CORO6: variants seen among roughly 807,000 people sequenced by gnomAD.
CORO6 encodes coronin-6.
A neutral mutation model predicts 49.0 loss-of-function variants in CORO6; 43 were observed. That is an observed-to-expected ratio of 0.88 (90% CI 0.69 to 1.13). CORO6 has a LOEUF of 1.13. Among genes scored for constraint, CORO6 ranks in the 50% most tolerant of loss-of-function variants. The pLI is 0.00. For missense variants in CORO6, 650 were observed against 647.0 expected, an observed-to-expected ratio of 1.00 and a Z score of -0.05; for synonymous variants, 233 against 256.5, an observed-to-expected ratio of 0.91 and a Z score of 0.88.
At chr17:29,615,919 C>G in intron 10 of CORO6, 26 bp downstream of exon 10, 1 of 1,582,050 alleles carries the variant, frequency 6.3e-7, no homozygotes, top group East Asian at 2.3e-5. Flanking sequence ...GTAGATTGGG[C>G]CAGAGTGCAG....
In CORO6 at chr17:29,618,720, TGGGTACAA is replaced by T. The variant is rs2035142327; in HGVS notation, c.633+62_633+69del. On this transcript the variant is annotated intron_variant, in intron 5 of 10. Coordinates refer to ENST00000388767, the MANE Select transcript of CORO6 (RefSeq NM_032854.4). The stretch of plus-strand genomic sequence containing the variant: ...CCGGGACCAGGGGCTCTGATAATGG[TGGGTACAA>T]GGGTGCTGACAGCTGGCCACTGGTC... The T allele has an allele frequency of 3.9e-6, 6 of 1,532,126 alleles. No individual in the cohort carries two copies. In the African/African-American group the frequency reaches 6.9e-5, roughly 17 times the overall value. 94.9% of individuals were successfully genotyped at this position (1,532,126 alleles called of 1,614,324 possible).
intron 5 of CORO6, chr17:29,617,888 A>T: frequency 1.4e-6 from 1 of 705,968 alleles, no homozygotes; most frequent in East Asian, 3.2e-5. Flanking sequence ...TCCCTAGAGC[A>T]GGGGTGTCTG....
Position 29,621,317 on chromosome 17 carries a change from C to T in CORO6, c.105G>A (p.Trp35Ter), listed in dbSNP as rs1371493852. The change falls in exon 2 of 11, where the codon TGG becomes TGA. Residue 35 changes from tryptophan (W) to a stop codon, truncating the protein, a stop_gained. Transcript: ENST00000388767. LOFTEE classifies it high-confidence loss of function. This position sits in a 1 kb window ranked among gnomAD's most constrained non-coding sequence, Gnocchi z 4.2. ...YEDIRVSKVT[W>*]DSSFCAVNPK... ...GGTTGACGGCACAGAAGGAGCTGTC[C>T]CATGTGACCTTGGACACACGGATGT... 1.2e-6 allele frequency: 2 copies of T among 1,614,162 alleles called. No homozygotes were observed. The highest frequency in any genetic ancestry group is 1.3e-5 in the African/African-American group (1 of 75,052).
At chr17:29,619,442 C>T (rs567926594) in intron 3 of CORO6, among the ~76,000 whole-genome samples, 1 of 152,138 alleles carries the variant, frequency 6.6e-6, no homozygotes, top group African/African-American at 2.4e-5. Context: ...CTCCAGGCAC[C>T]AAGTTGGCCA....
At chr17:29,617,349 A>AG in intron 6 of CORO6, 151 bp downstream of exon 6, 1 of 1,543,000 alleles carries the variant, frequency 6.5e-7, no homozygotes, top group East Asian at 2.3e-5. Context: ...AACTGGGCAG[A>AG]GGGGTGGGTG....
In CORO6 at chr17:29,616,845, G is replaced by A; in HGVS notation, c.861C>T (p.Gly287=). Reference sequence around the variant, plus strand: ...TCTCAAAGTACCGAATGCTGCTGTCGCCCTGCAAAATCAGTCGGTTCAGGG... The same window carrying A: ...TCTCAAAGTACCGAATGCTGCTGTCACCCTGCAAAATCAGTCGGTTCAGGG... The part of the protein sequence containing the change: ...DSSIVYLCGK[G]DSSIRYFEIT... Residue 287 remains glycine, a splice_region_variant and synonymous_variant, in exon 8 of 11, where the codon GGC becomes GGT. Coordinates refer to ENST00000388767, the MANE Select transcript of CORO6 (RefSeq NM_032854.4). The surrounding 1 kb of genome is among the most constrained non-coding windows in gnomAD (Gnocchi z 5.6). 6.2e-7 allele frequency: 1 copy of A among 1,612,930 alleles called. No homozygotes were observed. Among genetic ancestry groups the A allele is most frequent in the Non-Finnish European group, 8.5e-7 (1 of 1,179,390 alleles).
chr17:29,617,026 G>A lies in CORO6; in HGVS notation c.770C>T (p.Pro257Leu). 6.2e-7 allele frequency: 1 copy of A among 1,613,574 alleles called. No homozygotes were observed. The change falls in exon 7 of 11, where the codon CCA becomes CTA. Residue 257 changes from proline to leucine, a missense_variant. Transcript: ENST00000388767. ...TGTGTCCATCTCCTGCAGTGCCACT[G>A]GCTCCTCGAAGTTGTTCTGCCCGAG... ...GLWDPNNFEE[P>L]VALQEMDTSN...
Position 29,621,508 on chromosome 17 carries a change from G to C in CORO6, c.-63-24C>G. 5.2e-6 allele frequency: 8 copies of C among 1,535,710 alleles called. No homozygotes were observed. The highest frequency in any genetic ancestry group is 2.0e-5 in the Admixed American group (1 of 50,806). On this transcript the variant is annotated intron_variant, in intron 1 of 10. Transcript: ENST00000388767. This position sits in a 1 kb window ranked among gnomAD's most constrained non-coding sequence, Gnocchi z 4.2. ...AGCTGCGGGAGGGAGGAGGAGTGGAGGGGTGGCTGATGAGAAGGGTTATGT... is the reference window on the plus strand; with the variant it reads ...AGCTGCGGGAGGGAGGAGGAGTGGACGGGTGGCTGATGAGAAGGGTTATGT...
Position 29,614,884 on chromosome 17 carries a change from T to C in CORO6, c.*848A>G, listed in dbSNP as rs1304220023. On this transcript the variant is annotated 3_prime_UTR_variant, in exon 11 of 11. Transcript: ENST00000388767. ...GCCTGATGGACCCTGAGCCCAGGAGTGCATCGCCAGGTCTCCCAGGAGCCT... is the reference window on the plus strand; with the variant it reads ...GCCTGATGGACCCTGAGCCCAGGAGCGCATCGCCAGGTCTCCCAGGAGCCT... 1.3e-5 allele frequency: 2 copies of C among 151,956 alleles called. No homozygotes were observed. The highest frequency in any genetic ancestry group is 2.9e-5 in the Non-Finnish European group (2 of 68,004). The allele number at this position is 151,956 out of a possible 1,614,324, so 9.4% of individuals were successfully genotyped here.
Position 29,617,516 on chromosome 17 carries a change from A to G in CORO6, c.737T>C (p.Leu246Pro). Residue 246 changes from leucine (L) to proline (P), a missense_variant, in exon 6 of 11, where the codon CTG becomes CCG. Physicochemically the swap from Leu to Pro is moderately conservative, Grantham distance 98. Coordinates refer to ENST00000388767, the MANE Select transcript of CORO6 (RefSeq NM_032854.4). ...CTGCGTTACCGGGTCCCACAGGCCC[A>G]GCTCTCGCTGGCTCATGCGGGTGAA... Reference protein sequence around the residue: ...TGFTRMSQRELGLWDPNNFEE... With the variant: ...TGFTRMSQREPGLWDPNNFEE... 1 of 1,610,344 alleles carries G rather than the reference A, an allele frequency of 6.2e-7. No individual in the cohort carries two copies. Among genetic ancestry groups the G allele is most frequent in the South Asian group, 1.1e-5 (1 of 91,006 alleles).
rs2035176657 is a variant in CORO6 at position 29,619,199 on chromosome 17, A to G, written c.322-10T>C. 1 of 1,613,068 alleles carries G rather than the reference A, an allele frequency of 6.2e-7. No homozygotes were observed. Among genetic ancestry groups the G allele is most frequent in the Non-Finnish European group, 8.5e-7 (1 of 1,179,784 alleles). On this transcript the variant is annotated splice_polypyrimidine_tract_variant and intron_variant, in intron 3 of 10. Transcript: ENST00000388767. Reference sequence around the variant, plus strand: ...CTGGAATCTGCCACACCTGGGTAGGAAGAAAAGGTATATGGTGGGTGGAAT... The same window carrying G: ...CTGGAATCTGCCACACCTGGGTAGGGAGAAAAGGTATATGGTGGGTGGAAT...
Position 29,615,602 on chromosome 17 carries a change from G to A in CORO6, c.*130C>T. 9.9e-7 allele frequency: 1 copy of A among 1,008,420 alleles called. No homozygotes were observed. The allele number at this position is 1,008,420 out of a possible 1,614,324, so 62.5% of individuals were successfully genotyped here. On this transcript the variant is annotated 3_prime_UTR_variant, in exon 11 of 11. Coordinates refer to ENST00000388767, the MANE Select transcript of CORO6 (RefSeq NM_032854.4). The stretch of plus-strand genomic sequence containing the variant: ...CCAAGAGTTCTGGTCTCCCGCGAGG[G>A]GCGGAGTTCCCTCCCCAGTCCCGCC...
chr17:29,617,578 G>C lies in CORO6; in HGVS notation c.675C>G (p.Ala225=). 6.2e-7 allele frequency: 1 copy of C among 1,606,276 alleles called. No homozygotes were observed. Among genetic ancestry groups the C allele is most frequent in the Non-Finnish European group, 8.5e-7 (1 of 1,177,610 alleles). The change falls in exon 6 of 11, where the codon GCC becomes GCG. Residue 225 remains alanine (A), a synonymous_variant. Coordinates refer to ENST00000388767, the MANE Select transcript of CORO6 (RefSeq NM_032854.4). ...AAHEGMRPMR[A]VFTRQGHIFT... is the part of the protein sequence containing the mutation. ...AGATATGGCCCTGGCGCGTGAAGACGGCCCGCATGGGCCTCATCCCCTCGT... is the reference window on the plus strand; with the variant it reads ...AGATATGGCCCTGGCGCGTGAAGACCGCCCGCATGGGCCTCATCCCCTCGT...
At chr17:29,617,317 G>A in intron 6 of CORO6, 183 bp downstream of exon 6, 1 of 1,526,792 alleles carries the variant, frequency 6.5e-7, no homozygotes, top group Non-Finnish European at 8.7e-7. Flanking sequence ...GCCAGCGCAG[G>A]ATCCTTCACG....
At chr17:29,619,231 C>A (rs981703850) in intron 3 of CORO6, 42 bp from the exon 4 acceptor site, 4 of 1,604,512 alleles carry the variant, frequency 2.5e-6, no homozygotes, top group South Asian at 1.1e-5. Flanking sequence ...GAATGAGGAG[C>A]CACCCTGTCC....
intron 5 of CORO6, 155 bp downstream of exon 5, chr17:29,618,635 G>C (rs1598640861): frequency 7.0e-7 from 1 of 1,436,532 alleles, no homozygotes; most frequent in East Asian, 2.5e-5. Context: ...GCAGAGACCT[G>C]TGGTTGCAGA....
chr17:29,619,132 G>C lies in CORO6; in HGVS notation c.379C>G (p.Leu127Val). The C allele has an allele frequency of 6.2e-7, 1 of 1,613,788 alleles. No homozygotes were observed. ...MRNITEPIIT[L>V]EGHSKRVGIL... ...CCCACACGCTTGGAGTGGCCCTCAAGTGTGATGATAGGTTCCGTAATGTTG... is the reference window on the plus strand; with the variant it reads ...CCCACACGCTTGGAGTGGCCCTCAACTGTGATGATAGGTTCCGTAATGTTG... The change falls in exon 4 of 11, where the codon CTT (leucine) becomes GTT (valine). Residue 127 changes from leucine to valine, a missense_variant. By Grantham distance (32) the Leu-to-Val change is conservative. Coordinates refer to ENST00000388767, the MANE Select transcript of CORO6 (RefSeq NM_032854.4).
At chr17:29,617,188 G>A in intron 6 of CORO6, 146 bp from the exon 7 acceptor site, 1 of 1,540,570 alleles carries the variant, frequency 6.5e-7, no homozygotes, top group Non-Finnish European at 8.7e-7. Context: ...CCTCCCCTGG[G>A]CACATCTCTC....
rs1598638982 is a variant in CORO6, at chr17:29,617,968, C to T, written c.634-349G>A. The T allele has an allele frequency of 7.3e-6, 9 of 1,225,854 alleles. No individual in the cohort carries two copies. In the East Asian group the frequency reaches 8.9e-5, roughly 12 times the overall value. 75.9% of individuals were successfully genotyped at this position (1,225,854 alleles called of 1,614,324 possible). A position where few individuals can be genotyped will look rare whatever the true frequency, so the allele number is the denominator to read the frequency against. On this transcript the variant is annotated intron_variant, in intron 5 of 10. Transcript: ENST00000388767. ...CCCCGCTCCGCTCTGGCCTCTTGGG[C>T]GCCAGCCACAGCCCGGGAAGGCGCT...
Sources: allele counts gnomAD v4.1 joint callset (sites outside exome capture counted in the v4.1 genomes callset), GRCh38; gene constraint gnomAD v4.1.1; non-coding constraint Gnocchi (gnomAD v3.1); transcripts MANE v1.5; gene names NCBI Gene and HGNC (gene_info 2026-07-23, HGNC 2026-07-21).